TXNDC16: variants seen among roughly 807,000 people sequenced by gnomAD.
The protein encoded by TXNDC16 is thioredoxin domain-containing protein 16.
Under a neutral mutation model 85.6 loss-of-function variants are expected in TXNDC16, and 74 were observed. That is an observed-to-expected ratio of 0.86 (90% CI 0.72 to 1.05). The LOEUF (loss-of-function observed/expected upper bound fraction) is 1.05, where lower values mean the gene tolerates loss of function less well. TXNDC16 is among the 50% of genes least tolerant of loss of function. The pLI is 0.00. For synonymous variants in TXNDC16, 335 were observed against 326.5 expected (o/e 1.03, Z -0.28); for missense variants, 959 against 947.0 (o/e 1.01, Z -0.17).
At chr14:52,463,554 A>G (rs1312707171) in intron 16 of TXNDC16, among the ~76,000 whole-genome samples, 1 of 152,240 alleles carries the variant, frequency 6.6e-6, no homozygotes, top group East Asian at 1.9e-4. Flanking sequence ...AGTAAGAGGA[A>G]GTGAGGTGAA....
At chr14:52,457,041 A>C (rs779450052) in intron 17 of TXNDC16, 49 bp downstream of exon 17, 1 of 1,254,002 alleles carries the variant, frequency 8.0e-7, no homozygotes, top group Non-Finnish European at 1.1e-6. Context: ...AGATAACATT[A>C]TTTTGCATAA....
intron 5 of TXNDC16, among the ~76,000 whole-genome samples, chr14:52,537,151 A>C (rs1374965429): frequency 6.6e-6 from 1 of 152,014 alleles, no homozygotes; most frequent in East Asian, 1.9e-4. Context: ...GTGTCCTCAG[A>C]AGGTCCCTGA....
intron 11 of TXNDC16, among the ~76,000 whole-genome samples, chr14:52,489,184 A>G (rs2036346053): frequency 6.6e-6 from 1 of 152,306 alleles, no homozygotes; most frequent in South Asian, 2.1e-4. Flanking sequence ...ATTCAAAACA[A>G]TACTTCATCT....
chr14:52,497,905 C>T (rs62003347), intron 9 of TXNDC16, among the ~76,000 whole-genome samples: 6 of 147,610 alleles, frequency 4.1e-5, no homozygotes, highest in Non-Finnish European at 8.9e-5. Context: ...AAAAAACCTA[C>T]CAAACTGAAT....
intron 9 of TXNDC16, among the ~76,000 whole-genome samples, chr14:52,504,319 A>G (rs2036737682): frequency 6.6e-6 from 1 of 152,238 alleles, no homozygotes; most frequent in Non-Finnish European, 1.5e-5. Context: ...GCAGCCAGAG[A>G]GAAAGGTCGG....
intron 6 of TXNDC16, among the ~76,000 whole-genome samples, chr14:52,530,400 ATATATAATTAT>A (rs2037503833): frequency 4.6e-5 from 1 of 21,746 alleles, no homozygotes; most frequent in African/African-American, 3.1e-4. Context: ...TTATAATATA[ATATATAATTAT>A]TATATAATAT....
At chr14:52,470,406 A>G in intron 15 of TXNDC16, 106 bp downstream of exon 15, 1 of 1,282,156 alleles carries the variant, frequency 7.8e-7, no homozygotes, top group South Asian at 1.6e-5. Flanking sequence ...TGTGATCTCA[A>G]TTCTAGTATC....
At chr14:52,490,564 AT>A in intron 10 of TXNDC16, 113 bp from the exon 11 acceptor site, 1 of 900,224 alleles carries the variant, frequency 1.1e-6, no homozygotes, top group Non-Finnish European at 1.6e-6. Flanking sequence ...ATGAAAAAAT[AT>A]TACAATTTAG....
At position 52,432,606 on chromosome 14, in the gene TXNDC16, C is replaced by G. The variant is rs748649902; in HGVS notation, c.2195-19G>C. On this transcript the variant is annotated intron_variant, in intron 20 of 20. Coordinates refer to ENST00000281741, the MANE Select transcript of TXNDC16 (RefSeq NM_020784.3). ...AAAATTGCTGGAAGGAAGAAACAAT[C>G]AAAGGTTAAAGATTAACAGCTATAA... is the stretch of plus-strand genomic sequence containing the variant. The G allele has an allele frequency of 3.2e-6, 5 of 1,584,364 alleles. No individual in the cohort carries two copies. In the African/African-American group the frequency reaches 6.8e-5, roughly 22 times the overall value.
chr14:52,530,463 T>TA (rs1459448149), intron 6 of TXNDC16, among the ~76,000 whole-genome samples: 1 of 9,830 alleles, frequency 1.0e-4, no homozygotes, highest in African/African-American at 6.1e-4. Flanking sequence ...TAATAATATA[T>TA]ATTATATATT....
chr14:52,432,508 T>G lies in TXNDC16; in HGVS notation c.2274A>C (p.Gln758His). Residue 758 changes from glutamine to histidine, a missense_variant, in exon 21 of 21, where the codon CAA (glutamine) becomes CAC (histidine). By Grantham distance (24) the Gln-to-His change is conservative. Coordinates refer to ENST00000281741, the MANE Select transcript of TXNDC16 (RefSeq NM_020784.3). ...FLSMIDAATS[Q>H]RGTRKVPKCM... is the part of the protein sequence containing the mutation. ...ACTTGGGAACTTTCCTAGTGCCACG[T>G]TGAGATGTTGCGGCATCTATCATAC... 1.2e-6 allele frequency: 2 copies of G among 1,614,028 alleles called. No homozygotes were observed. The highest frequency in any genetic ancestry group is 1.7e-6 in the Non-Finnish European group (2 of 1,179,938).
At chr14:52,447,503 C>T (rs989357781) in intron 18 of TXNDC16, among the ~76,000 whole-genome samples, 6 of 152,158 alleles carry the variant, frequency 3.9e-5, no homozygotes, top group Admixed American at 1.3e-4. Flanking sequence ...CAGCACAGTG[C>T]CAGTGGTGGT....
intron 11 of TXNDC16, 91 bp downstream of exon 11, chr14:52,490,300 A>T (rs2036369966): frequency 1.1e-6 from 1 of 895,080 alleles, no homozygotes; most frequent in Admixed American, 3.6e-5. Context: ...TAATTTACAG[A>T]TTTTTCTATA....
At chr14:52,452,834 G>A (rs2035442736) in intron 18 of TXNDC16, among the ~76,000 whole-genome samples, 1 of 152,018 alleles carries the variant, frequency 6.6e-6, no homozygotes, top group African/African-American at 2.4e-5. Flanking sequence ...TGACAAATGG[G>A]ATCACATCAA....
intron 8 of TXNDC16, among the ~76,000 whole-genome samples, chr14:52,513,859 A>G (rs932860051): frequency 6.6e-6 from 1 of 152,090 alleles, no homozygotes; most frequent in African/African-American, 2.4e-5. Context: ...GAATACAAAC[A>G]ACTAACCCTC....
At chr14:52,513,648 C>CTGTGTG (rs10533128) in intron 8 of TXNDC16, among the ~76,000 whole-genome samples, 143 of 148,486 alleles carry the variant, frequency 9.6e-4, no homozygotes, top group African/African-American at 3.3e-3. Flanking sequence ...TATACATATT[C>CTGTGTG]TGTGTGTGTG....
At chr14:52,467,811 G>A (rs1051149179) in intron 16 of TXNDC16, among the ~76,000 whole-genome samples, 8 of 152,030 alleles carry the variant, frequency 5.3e-5, no homozygotes, top group East Asian at 1.9e-4. Context: ...GTTCACAACC[G>A]CGTTATTCAC....
chr14:52,509,539 G>A (rs2036903417), intron 9 of TXNDC16, among the ~76,000 whole-genome samples: 1 of 151,536 alleles, frequency 6.6e-6, no homozygotes, highest in South Asian at 2.1e-4. Context: ...ACAGAAAAAA[G>A]TTACTTAAAG....
Position 52,539,860 on chromosome 14 carries a change from T to C in TXNDC16, c.244-2188A>G, listed in dbSNP as rs2037789483. On this transcript the variant is annotated intron_variant, in intron 4 of 20. Coordinates refer to ENST00000281741, the MANE Select transcript of TXNDC16 (RefSeq NM_020784.3). ...TTTTTTCCTTCCTTTACTTTGAAGATTTCTGAAACCCTTATTTTGGATGCA... is the reference window on the plus strand; with the variant it reads ...TTTTTTCCTTCCTTTACTTTGAAGACTTCTGAAACCCTTATTTTGGATGCA... 2.0e-5 allele frequency among the ~76,000 whole-genome samples: 3 copies of C among 152,216 alleles called. No individual in the cohort carries two copies. The South Asian group carries it at 6.2e-4, about 32-fold the overall frequency.
Sources: allele counts gnomAD v4.1 joint callset (sites outside exome capture counted in the v4.1 genomes callset), GRCh38; gene constraint gnomAD v4.1.1; transcripts MANE v1.5; gene names NCBI Gene and HGNC (gene_info 2026-07-23, HGNC 2026-07-21).